ULK4: variants seen among roughly 807,000 people sequenced by gnomAD.
The protein encoded by ULK4 is unc-51 like kinase 4, also known as inactive serine/threonine-protein kinase ULK4.
In ULK4, 133 loss-of-function variants were observed where a neutral mutation model predicts 160.6. The ratio of observed to expected loss-of-function variants is 0.83; its 90% CI spans 0.72 to 0.96. ULK4 has a LOEUF of 0.96. ULK4 is among the 40% of genes least tolerant of loss of function. The probability of loss-of-function intolerance (pLI) is 0.00; values close to 1 mark genes in which losing one functional copy is unlikely to be tolerated. For synonymous variants in ULK4, 534 were observed against 539.8 expected (o/e 0.99, Z 0.15); for missense variants, 1,580 against 1,499.5 (o/e 1.05, Z -0.89).
chr3:41,928,619 A>T (rs188352363), intron 5 of ULK4, among the ~76,000 whole-genome samples: 457 of 151,518 alleles, frequency 3.0e-3, no homozygotes, highest in Non-Finnish European at 5.3e-3. Context: ...ACTAACAAAG[A>T]AAAGAAACAA....
chr3:41,870,070 G>T lies in ULK4; in HGVS notation c.1656+13804C>A, dbSNP rs556822635. On this transcript the variant is annotated intron_variant, in intron 17 of 36. Coordinates refer to ENST00000301831, the MANE Select transcript of ULK4 (RefSeq NM_017886.4). ...ATGGTTTCCAAGGAGAAGTCAGCAC[G>T]CATTCATATAACTGTTTCCCAGCAT... 1.7e-4 allele frequency among the ~76,000 whole-genome samples: 26 copies of T among 152,172 alleles called. No individual in the cohort carries two copies. The South Asian group carries it at 5.2e-3, about 30-fold the overall frequency.
At chr3:41,631,715 G>C (rs901140159) in intron 30 of ULK4, among the ~76,000 whole-genome samples, 3 of 152,052 alleles carry the variant, frequency 2.0e-5, no homozygotes, top group African/African-American at 7.2e-5. Flanking sequence ...AGGCCATGGA[G>C]TGTTTCGACC....
At chr3:41,770,790 G>A (rs923979384) in intron 21 of ULK4, among the ~76,000 whole-genome samples, 1 of 152,206 alleles carries the variant, frequency 6.6e-6, no homozygotes, top group Admixed American at 6.5e-5. Context: ...TGGGATTACA[G>A]GCATGAGCCA....
chr3:41,769,856 C>T (rs1399420196), intron 21 of ULK4, among the ~76,000 whole-genome samples: 1 of 152,170 alleles, frequency 6.6e-6, no homozygotes, highest in East Asian at 1.9e-4. Flanking sequence ...TAAAATTGAT[C>T]TGCTTCAATG....
intron 30 of ULK4, among the ~76,000 whole-genome samples, chr3:41,655,145 C>CA (rs61034423): frequency 8.0e-4 from 112 of 139,686 alleles, no homozygotes; most frequent in Admixed American, 1.5e-3. Context: ...GCCATCTCTA[C>CA]AAAAAAAAAA....
At chr3:41,780,044 A>C (rs1275286658) in intron 21 of ULK4, among the ~76,000 whole-genome samples, 3 of 151,426 alleles carry the variant, frequency 2.0e-5, no homozygotes, top group Admixed American at 2.0e-4. Flanking sequence ...TCACATCTGC[A>C]ATTTCCAACA....
intron 23 of ULK4, 65 bp downstream of exon 23, chr3:41,717,663 C>A: frequency 1.3e-6 from 2 of 1,548,864 alleles, no homozygotes; most frequent in South Asian, 1.2e-5. Flanking sequence ...AGAACTGATG[C>A]CTAAAAGCCA....
At chr3:41,788,059 G>A (rs981899612) in intron 21 of ULK4, among the ~76,000 whole-genome samples, 5 of 152,062 alleles carry the variant, frequency 3.3e-5, no homozygotes, top group Non-Finnish European at 7.4e-5. Flanking sequence ...CATTTAATGA[G>A]TGAAAATTTA....
chr3:41,958,215 C>T lies in ULK4; in HGVS notation c.-48-3408G>A, dbSNP rs1009948727. On this transcript the variant is annotated intron_variant, in intron 1 of 36. Transcript: ENST00000301831. ...TTAAAACATGGAAGCAACTTGTGTC[C>T]GCTGATACATGGATAAGCAAAATGT... Among the ~76,000 whole-genome samples, 21 of 152,074 alleles carry T rather than the reference C, an allele frequency of 1.4e-4. No individual in the cohort carries two copies. The South Asian group carries it at 1.9e-3, about 14-fold the overall frequency.
At chr3:41,405,760 G>A (rs543474883) in intron 34 of ULK4, among the ~76,000 whole-genome samples, 4 of 151,928 alleles carry the variant, frequency 2.6e-5, no homozygotes, top group Admixed American at 2.0e-4. Flanking sequence ...TTGGCCGCTT[G>A]TATGTCTTCT....
At chr3:41,643,260 C>T (rs1228802217) in intron 30 of ULK4, among the ~76,000 whole-genome samples, 7 of 152,060 alleles carry the variant, frequency 4.6e-5, no homozygotes, top group Non-Finnish European at 7.4e-5. Context: ...ACATGAAGTC[C>T]TTGCCCATGC....
At chr3:41,398,362 T>C in intron 34 of ULK4, 98 bp from the exon 35 acceptor site, 1 of 1,189,660 alleles carries the variant, frequency 8.4e-7, no homozygotes, top group Non-Finnish European at 1.2e-6. Flanking sequence ...GGTGTCAGCC[T>C]GAGTAGTCTG....
In ULK4 at chr3:41,794,686, A is replaced by AAAAAAAAAAAC. The variant is rs1553654814; in HGVS notation, c.2011-4844_2011-4843insGTTTTTTTTTT. Among the ~76,000 whole-genome samples the AAAAAAAAAAAC allele has an allele frequency of 1.2e-3, 130 of 112,412 alleles. 5 individuals are homozygous for AAAAAAAAAAAC. Among genetic ancestry groups the AAAAAAAAAAAC allele is most frequent in the African/African-American group, 5.0e-3 (120 of 24,148 alleles). 73.7% of individuals were successfully genotyped at this position (112,412 alleles called of 152,430 possible). On this transcript the variant is annotated intron_variant, in intron 20 of 36. Coordinates refer to ENST00000301831, the MANE Select transcript of ULK4 (RefSeq NM_017886.4). ...AAAAAAAAAAAAAAAAAAAAAAAAA[A>AAAAAAAAAAAC]CACAGAAAAAAAAACCACAAACCTG...
intron 31 of ULK4, among the ~76,000 whole-genome samples, chr3:41,574,193 A>G (rs1284752515): frequency 6.6e-6 from 1 of 152,138 alleles, no homozygotes; most frequent in Non-Finnish European, 1.5e-5. Context: ...AAAACAAACA[A>G]ACAAACAAAC....
At chr3:41,677,963 T>G (rs1014506964) in intron 29 of ULK4, among the ~76,000 whole-genome samples, 32 of 152,102 alleles carry the variant, frequency 2.1e-4, no homozygotes, top group African/African-American at 7.7e-4. Flanking sequence ...AGGAAACTCC[T>G]CCTGCCTGAC....
intron 32 of ULK4, among the ~76,000 whole-genome samples, chr3:41,493,725 A>G (rs1440833682): frequency 6.6e-6 from 1 of 151,388 alleles, no homozygotes; most frequent in African/African-American, 2.4e-5. Flanking sequence ...AAATAGATGC[A>G]ATAAAAAATG....
intron 17 of ULK4, among the ~76,000 whole-genome samples, chr3:41,850,173 G>C (rs1448149646): frequency 6.6e-6 from 1 of 152,126 alleles, no homozygotes; most frequent in Non-Finnish European, 1.5e-5. Context: ...AGTATTCCAT[G>C]GTGTATATGT....
intron 32 of ULK4, among the ~76,000 whole-genome samples, chr3:41,542,392 G>A (rs1199273340): frequency 2.6e-5 from 4 of 152,270 alleles, no homozygotes; most frequent in Middle Eastern, 3.4e-3. Flanking sequence ...AATCGTGTTC[G>A]ATAAGCTTTT....
At chr3:41,670,410 C>T (rs1264524550) in intron 29 of ULK4, among the ~76,000 whole-genome samples, 1 of 151,986 alleles carries the variant, frequency 6.6e-6, no homozygotes, top group East Asian at 1.9e-4. Flanking sequence ...CAAGACTTCC[C>T]AGTCTTGTGA....
Sources: allele counts gnomAD v4.1 joint callset (sites outside exome capture counted in the v4.1 genomes callset), GRCh38; gene constraint gnomAD v4.1.1; transcripts MANE v1.5; gene names NCBI Gene and HGNC (gene_info 2026-07-23, HGNC 2026-07-21).